The following TSHZ2 variants were observed in gnomAD, a reference collection of about 807,000 sequenced individuals.
The protein encoded by TSHZ2 is teashirt homolog 2.
A neutral mutation model predicts 74.4 loss-of-function variants in TSHZ2; 21 were observed. That is an observed-to-expected ratio of 0.28 (90% confidence interval 0.20 to 0.41). TSHZ2 has a LOEUF of 0.41. TSHZ2 is among the 10% of genes least tolerant of loss of function. The probability of loss-of-function intolerance (pLI) is 1.00; values close to 1 mark genes in which losing one functional copy is unlikely to be tolerated. For synonymous variants in TSHZ2, 540 were observed against 515.3 expected, an observed-to-expected ratio of 1.05 and a Z score of -0.65; for missense variants, 1,244 against 1,293.5, an observed-to-expected ratio of 0.96 and a Z score of 0.59.
At chr20:53,039,115 A>G (rs183134505) in intron 1 of TSHZ2, among the ~76,000 whole-genome samples, 148 of 136,116 alleles carry the variant, frequency 1.1e-3, no homozygotes, top group African/African-American at 5.0e-3. Flanking sequence ...CGAACTTCCA[A>G]CCTCAGGTGA....
intron 1 of TSHZ2, among the ~76,000 whole-genome samples, chr20:53,189,842 G>A (rs1018092448): frequency 1.1e-4 from 17 of 151,742 alleles, no homozygotes; most frequent in African/African-American, 4.1e-4. Context: ...CCAGCACTTT[G>A]GGAGGCCAAG....
At chr20:53,465,002 T>C (rs553293459) in intron 2 of TSHZ2, among the ~76,000 whole-genome samples, 1 of 152,286 alleles carries the variant, frequency 6.6e-6, no homozygotes, top group South Asian at 2.1e-4. Context: ...CATCTTTTTT[T>C]CTTAGAGCAT....
At chr20:53,083,125 TC>T (rs1198215650) in intron 1 of TSHZ2, among the ~76,000 whole-genome samples, 1 of 152,222 alleles carries the variant, frequency 6.6e-6, no homozygotes, top group Non-Finnish European at 1.5e-5. Flanking sequence ...CCCATCTAAG[TC>T]CAAATTTTGA....
intron 1 of TSHZ2, among the ~76,000 whole-genome samples, chr20:53,196,952 T>G (rs1188432732): frequency 6.6e-6 from 1 of 152,266 alleles, no homozygotes; most frequent in Non-Finnish European, 1.5e-5. Context: ...CCTGGGACTT[T>G]TCTTTTTACA....
chr20:52,973,037 C>A lies in TSHZ2; in HGVS notation c.-257C>A, dbSNP rs1460781980. On this transcript the variant is annotated 5_prime_UTR_variant, in exon 1 of 3. Transcript: ENST00000371497. ...GGAAAAAAAATTCAAAATAAACAAA[C>A]AAACAAACAAGGCAGAACCAACCTC... The A allele has an allele frequency of 2.0e-5, 8 of 401,262 alleles. No homozygotes were observed. The highest frequency in any genetic ancestry group is 8.8e-6 in the Non-Finnish European group (2 of 227,420). 24.9% of individuals were successfully genotyped at this position (401,262 alleles called of 1,614,324 possible). A position where few individuals can be genotyped will look rare whatever the true frequency, so the allele number is the denominator to read the frequency against.
chr20:53,043,522 A>G (rs1009107586), intron 1 of TSHZ2, among the ~76,000 whole-genome samples: 1 of 152,170 alleles, frequency 6.6e-6, no homozygotes, highest in African/African-American at 2.4e-5. Context: ...GTTTATTATA[A>G]TAAGCATTCA....
At chr20:53,330,482 A>G (rs1044135667) in intron 2 of TSHZ2, among the ~76,000 whole-genome samples, 1 of 152,234 alleles carries the variant, frequency 6.6e-6, no homozygotes, top group Admixed American at 6.5e-5. Flanking sequence ...GAATACGGTT[A>G]GTGCAGCCTG....
chr20:53,155,901 C>G (rs1470983676), intron 1 of TSHZ2, among the ~76,000 whole-genome samples: 1 of 152,136 alleles, frequency 6.6e-6, no homozygotes, highest in East Asian at 1.9e-4. Flanking sequence ...CAAGACAATA[C>G]CACCCCTGGA....
intron 1 of TSHZ2, among the ~76,000 whole-genome samples, chr20:52,983,410 G>A (rs1483199014): frequency 6.6e-6 from 1 of 152,204 alleles, no homozygotes; most frequent in African/African-American, 2.4e-5. Context: ...AATTCTGAGA[G>A]AAATCTAGGC....
intron 2 of TSHZ2, among the ~76,000 whole-genome samples, chr20:53,341,863 A>T (rs1980218032): frequency 6.6e-6 from 1 of 152,040 alleles, no homozygotes; most frequent in Non-Finnish European, 1.5e-5. Context: ...GGCGTGTGCC[A>T]CCACACCCAG....
Position 52,973,117 on chromosome 20 carries a change from C to A in TSHZ2, c.-177C>A. On this transcript the variant is annotated 5_prime_UTR_variant, in exon 1 of 3. Transcript: ENST00000371497. ...GTGTCTGCCACCCAGAGAGGGGGGTCTCTGGCCCGTGGTGGAGGAGTTGCA... is the reference window on the plus strand; with the variant it reads ...GTGTCTGCCACCCAGAGAGGGGGGTATCTGGCCCGTGGTGGAGGAGTTGCA... The A allele has an allele frequency of 1.4e-6, 1 of 730,378 alleles. No individual in the cohort carries two copies. The highest frequency in any genetic ancestry group is 3.6e-4 in the Middle Eastern group (1 of 2,754). 45.2% of individuals were successfully genotyped at this position (730,378 alleles called of 1,614,324 possible).
intron 1 of TSHZ2, among the ~76,000 whole-genome samples, chr20:53,039,375 C>T (rs6068436): frequency 0.27 from 41,388 of 151,872 alleles, 8,650 homozygotes; most frequent in African/African-American, 0.58. Flanking sequence ...AGTGTCAGTA[C>T]CTTTTTCTCT....
chr20:53,143,516 AC>A (rs1166532425), intron 1 of TSHZ2, among the ~76,000 whole-genome samples: 3 of 152,098 alleles, frequency 2.0e-5, no homozygotes, highest in African/African-American at 4.8e-5. Flanking sequence ...ACACAGTGAA[AC>A]CCCGTCTCTA....
intron 1 of TSHZ2, among the ~76,000 whole-genome samples, chr20:53,077,411 A>C (rs201228793): frequency 9.4e-4 from 2 of 2,130 alleles, no homozygotes; most frequent in Admixed American, 5.3e-3. Context: ...ACTCTACCTC[A>C]AAAAAAAAAA....
intron 2 of TSHZ2, among the ~76,000 whole-genome samples, chr20:53,336,439 A>G (rs1453088035): frequency 6.6e-6 from 1 of 152,250 alleles, no homozygotes; most frequent in East Asian, 1.9e-4. Flanking sequence ...GTCATTATTT[A>G]GGACCCTTTC....
intron 2 of TSHZ2, among the ~76,000 whole-genome samples, chr20:53,396,010 A>G (rs1264030198): frequency 6.6e-6 from 1 of 152,188 alleles, no homozygotes; most frequent in African/African-American, 2.4e-5. Context: ...ATCTCGGCTC[A>G]CTGCAGGCTC....
At chr20:53,323,962 C>T (rs542643680) in intron 2 of TSHZ2, among the ~76,000 whole-genome samples, 28 of 152,206 alleles carry the variant, frequency 1.8e-4, no homozygotes, top group African/African-American at 4.1e-4. Context: ...CAGGGGCAGA[C>T]GGGTAGGGCA....
At chr20:53,138,208 C>G (rs1987295546) in intron 1 of TSHZ2, among the ~76,000 whole-genome samples, 2 of 152,008 alleles carry the variant, frequency 1.3e-5, no homozygotes, top group African/African-American at 4.8e-5. Flanking sequence ...CGGTGAAACC[C>G]CGTCTCTACT....
At chr20:53,325,475 C>T (rs1979450284) in intron 2 of TSHZ2, among the ~76,000 whole-genome samples, 1 of 152,168 alleles carries the variant, frequency 6.6e-6, no homozygotes, top group Non-Finnish European at 1.5e-5. Context: ...CGTGTGGACA[C>T]CACTGCCTTC....
Sources: gnomAD v4.1 joint callset for allele counts (sites outside exome capture counted in the v4.1 genomes callset) on GRCh38, gnomAD v4.1.1 for gene constraint, MANE v1.5 for transcripts, NCBI Gene and HGNC (gene_info 2026-07-23, HGNC 2026-07-21) for gene names.